The following ZFPM1 variants were observed in gnomAD, a reference collection of about 807,000 sequenced individuals.
ZFPM1 encodes zinc finger protein, FOG family member 1.
ZFPM1 carries 28 observed loss-of-function variants against 46.3 expected under a neutral mutation model. That is an observed-to-expected ratio of 0.60 (90% CI 0.45 to 0.83). The LOEUF is 0.83. Ranked by LOEUF, ZFPM1 falls within the 40% of genes least tolerant of loss-of-function variation. The pLI is 0.00. For missense variants in ZFPM1, 1,878 were observed against 1,432.4 expected (o/e 1.31, Z -5.02); for synonymous variants, 957 against 675.9 (o/e 1.42, Z -6.45).
chr16:88,464,789 C>A (rs1395662418), intron 1 of ZFPM1, among the ~76,000 whole-genome samples: 1 of 152,080 alleles, frequency 6.6e-6, no homozygotes, highest in East Asian at 1.9e-4. Context: ...TTGAACTGGC[C>A]CCATTACTGC....
chr16:88,487,132 G>A (rs1344839903), intron 2 of ZFPM1, among the ~76,000 whole-genome samples: 1 of 152,180 alleles, frequency 6.6e-6, no homozygotes, highest in East Asian at 1.9e-4. Flanking sequence ...AGGCCTGCTG[G>A]AGCCAGCTGT....
chr16:88,491,342 T>C (rs1275469378), intron 3 of ZFPM1, among the ~76,000 whole-genome samples: 4 of 152,106 alleles, frequency 2.6e-5, no homozygotes. Context: ...GCAGGGACCA[T>C]TGTGTACCTG....
At chr16:88,501,478 A>C (rs1394897030) in intron 3 of ZFPM1, among the ~76,000 whole-genome samples, 1 of 125,886 alleles carries the variant, frequency 7.9e-6, no homozygotes, top group African/African-American at 3.2e-5. Context: ...GATAGCAGAC[A>C]TGGGTGCGTG....
intron 9 of ZFPM1, 24 bp downstream of exon 9, chr16:88,532,959 C>T (rs1434548635): frequency 1.9e-6 from 3 of 1,612,188 alleles, no homozygotes; most frequent in Non-Finnish European, 2.5e-6. Context: ...TGGGGGCCAC[C>T]CCTGCCCCTT....
chr16:88,526,810 C>A lies in ZFPM1; in HGVS notation c.403-4C>A, dbSNP rs59292167. On this transcript the variant is annotated splice_polypyrimidine_tract_variant and splice_region_variant and intron_variant, in intron 4 of 9. Coordinates refer to ENST00000319555, the MANE Select transcript of ZFPM1 (RefSeq NM_153813.3). ...CCCCACGTGTTCCTACCCTCCCCCC[C>A]CAGAGCCCAGCCCTGACCCTGCTGC... 105 of 1,545,848 alleles carry A rather than the reference C, an allele frequency of 6.8e-5. 1 individual carries two copies. Among genetic ancestry groups the A allele is most frequent in the Admixed American group, 3.7e-4 (19 of 51,064 alleles).
chr16:88,532,616 G>A lies in ZFPM1; in HGVS notation c.949G>A (p.Glu317Lys). 6.4e-7 allele frequency: 1 copy of A among 1,564,586 alleles called. No individual in the cohort carries two copies. Among genetic ancestry groups the A allele is most frequent in the South Asian group, 1.2e-5 (1 of 85,964 alleles). Reference protein sequence around the residue: ...LEIHMRSHSGERPFVCLICLS... With the variant: ...LEIHMRSHSGKRPFVCLICLS... ...CTCTTACGCGCCCTGTGTTCCAGGA[G>A]AGCGGCCCTTCGTGTGCCTGATCTG... Residue 317 changes from glutamate to lysine, a missense_variant and splice_region_variant, in exon 8 of 10, where the codon GAG (glutamate) becomes AAG (lysine). Glu to Lys is a moderately conservative substitution (Grantham distance 56, BLOSUM62 1). Transcript: ENST00000319555.
At chr16:88,517,565 G>T (rs1382735646) in intron 4 of ZFPM1, among the ~76,000 whole-genome samples, 1 of 150,366 alleles carries the variant, frequency 6.7e-6, no homozygotes, top group Non-Finnish European at 1.5e-5. Context: ...GGTGAAGGAG[G>T]GGTGGATAGA....
intron 1 of ZFPM1, 79 bp downstream of exon 1, chr16:88,453,757 G>A (rs1597221784): frequency 2.2e-6 from 2 of 896,924 alleles, no homozygotes; most frequent in East Asian, 8.0e-5. Flanking sequence ...GCCCCCGCCC[G>A]TCCCCGCTCT....
rs1437923216 is a variant in ZFPM1 at position 88,471,280 on chromosome 16, C to G, written c.41-14659C>G. ...GCTGCAGCCATGTGTGACCTCCACCCTCGCGAAGGCCAGCGGCCGCAGGGT... is the reference window on the plus strand; with the variant it reads ...GCTGCAGCCATGTGTGACCTCCACCGTCGCGAAGGCCAGCGGCCGCAGGGT... On this transcript the variant is annotated intron_variant, in intron 1 of 9. Coordinates refer to ENST00000319555, the MANE Select transcript of ZFPM1 (RefSeq NM_153813.3). The surrounding 1 kb of genome is among the most constrained non-coding windows in gnomAD (Gnocchi z 4.1). Among the ~76,000 whole-genome samples, 1 of 152,256 alleles carries G rather than the reference C, an allele frequency of 6.6e-6. No individual in the cohort carries two copies. Among genetic ancestry groups the G allele is most frequent in the East Asian group, 1.9e-4 (1 of 5,196 alleles).
At chr16:88,527,904 G>C in intron 5 of ZFPM1, 128 bp from the exon 6 acceptor site, 1 of 951,164 alleles carries the variant, frequency 1.1e-6, no homozygotes, top group Non-Finnish European at 1.5e-6. Flanking sequence ...GGATGGCCCT[G>C]GCAGCCAGCC....
intron 1 of ZFPM1, among the ~76,000 whole-genome samples, chr16:88,484,574 G>T (rs369354345): frequency 2.6e-5 from 4 of 152,360 alleles, no homozygotes; most frequent in South Asian, 4.1e-4. Context: ...ACTCCTGAGT[G>T]TGTCGGGAGG....
chr16:88,510,837 T>C (rs1389643659), intron 3 of ZFPM1, among the ~76,000 whole-genome samples: 2 of 152,084 alleles, frequency 1.3e-5, no homozygotes, highest in Non-Finnish European at 2.9e-5. Flanking sequence ...CTCGGATCTG[T>C]CTCCCCCATG....
At chr16:88,486,076 CAG>C in intron 2 of ZFPM1, 33 bp downstream of exon 2, 1 of 1,583,800 alleles carries the variant, frequency 6.3e-7, no homozygotes, top group Non-Finnish European at 8.6e-7. Context: ...ACCGCGCCTC[CAG>C]CCGGGGCCTC....
At chr16:88,514,810 A>G (rs1911193596) in intron 4 of ZFPM1, among the ~76,000 whole-genome samples, 1 of 152,190 alleles carries the variant, frequency 6.6e-6, no homozygotes, top group South Asian at 2.1e-4. Context: ...AGAGGAGAAG[A>G]GCATTCAAGG....
chr16:88,512,485 C>G (rs1272252977), intron 3 of ZFPM1, among the ~76,000 whole-genome samples: 1 of 152,178 alleles, frequency 6.6e-6, no homozygotes, highest in Non-Finnish European at 1.5e-5. Flanking sequence ...CGCAGCCACT[C>G]CTGGGTCCAG....
rs746379587 is a variant in ZFPM1, at chr16:88,532,873, C to G, written c.1127C>G (p.Pro376Arg). Residue 376 changes from proline (P) to arginine (R), a missense_variant, in exon 9 of 10, where the codon CCT (proline) becomes CGT (arginine). By Grantham distance (103) the Pro-to-Arg change is moderately radical. Coordinates refer to ENST00000319555, the MANE Select transcript of ZFPM1 (RefSeq NM_153813.3). ...HLVTNHMVCQ[P>R]GSKGEIYSPG... ...GTCACCAACCACATGGTCTGCCAGCCTGGCTCCAAGGGTGAGATCTACTCG... is the reference window on the plus strand; with the variant it reads ...GTCACCAACCACATGGTCTGCCAGCGTGGCTCCAAGGGTGAGATCTACTCG... 3 of 1,613,432 alleles carry G rather than the reference C, an allele frequency of 1.9e-6. No homozygotes were observed. The highest frequency in any genetic ancestry group is 1.7e-6 in the Non-Finnish European group (2 of 1,179,964).
chr16:88,466,709 G>T (rs944064401), intron 1 of ZFPM1, among the ~76,000 whole-genome samples: 2 of 152,176 alleles, frequency 1.3e-5, no homozygotes, highest in African/African-American at 4.8e-5. Flanking sequence ...TTTTGGGTTT[G>T]GTTTTGTTTC....
chr16:88,518,751 G>GGCT, intron 4 of ZFPM1, among the ~76,000 whole-genome samples: 1 of 146,520 alleles, frequency 6.8e-6, no homozygotes, highest in East Asian at 2.1e-4. Context: ...ATGGATGGAT[G>GGCT]GATGGATGGA....
chr16:88,485,895 C>G (rs746998897), intron 1 of ZFPM1, 44 bp from the exon 2 acceptor site: 3 of 1,574,180 alleles, frequency 1.9e-6, no homozygotes, highest in Non-Finnish European at 2.6e-6. Flanking sequence ...CAGGAGCTGT[C>G]CCCCCAGAGC....
Sources: gnomAD v4.1 joint callset for allele counts (sites outside exome capture counted in the v4.1 genomes callset) on GRCh38, gnomAD v4.1.1 for gene constraint, Gnocchi (gnomAD v3.1) non-coding constraint, MANE v1.5 for transcripts, NCBI Gene and HGNC (gene_info 2026-07-23, HGNC 2026-07-21) for gene names.